NRXN3: variants seen among roughly 807,000 people sequenced by gnomAD.
The protein encoded by NRXN3 is neurexin III.
NRXN3 carries 32 observed loss-of-function variants against 137.6 expected under a neutral mutation model. The ratio of observed to expected loss-of-function variants is 0.23; its 90% confidence interval spans 0.18 to 0.31. NRXN3 has a LOEUF of 0.31. Ranked by LOEUF, NRXN3 falls within the 10% of genes least tolerant of loss-of-function variation. The probability of loss-of-function intolerance (pLI) is 1.00; values close to 1 mark genes in which losing one functional copy is unlikely to be tolerated. For missense variants in NRXN3, 1,574 were observed against 2,062.5 expected, an observed-to-expected ratio of 0.76 and a Z score of 4.59; for synonymous variants, 798 against 784.5, an observed-to-expected ratio of 1.02 and a Z score of -0.29.
chr14:78,179,849 T>TG (rs1566912865), intron 1 of NRXN3, among the ~76,000 whole-genome samples: 2 of 149,798 alleles, frequency 1.3e-5, no homozygotes, highest in Non-Finnish European at 3.0e-5. Context: ...TTTGTTTTTT[T>TG]TTTTTTCTTG....
intron 16 of NRXN3, among the ~76,000 whole-genome samples, chr14:79,593,844 T>G (rs1375633269): frequency 2.0e-5 from 3 of 152,238 alleles, no homozygotes; most frequent in Non-Finnish European, 4.4e-5. Context: ...ATAATATGAC[T>G]ACCTCAGTCA....
intron 15 of NRXN3, among the ~76,000 whole-genome samples, chr14:79,094,971 A>AGTGTGTGTGTGT (rs1178553706): frequency 1.0e-5 from 1 of 100,284 alleles, no homozygotes; most frequent in African/African-American, 3.6e-5. Context: ...AGAGAGAGAG[A>AGTGTGTGTGTGT]GAGAGAGAGT....
chr14:78,559,876 C>T (rs759039963), intron 4 of NRXN3, among the ~76,000 whole-genome samples: 1 of 152,188 alleles, frequency 6.6e-6, no homozygotes, highest in African/African-American at 2.4e-5. Context: ...TTATGTGTCT[C>T]TTATGACAAC....
intron 3 of NRXN3, 44 bp downstream of exon 3, chr14:78,278,706 T>C (rs771344135): frequency 1.1e-4 from 172 of 1,500,552 alleles, no homozygotes; most frequent in South Asian, 9.6e-5. Context: ...ATTTCCCCTC[T>C]GCTAGATTGT....
chr14:79,473,402 T>G (rs1468931651), intron 16 of NRXN3, among the ~76,000 whole-genome samples: 4 of 152,186 alleles, frequency 2.6e-5, no homozygotes, highest in Non-Finnish European at 5.9e-5. Flanking sequence ...TCCCATCTAT[T>G]GCATTTATAA....
chr14:78,979,112 C>T (rs1039272812), intron 14 of NRXN3, among the ~76,000 whole-genome samples: 3 of 152,102 alleles, frequency 2.0e-5, no homozygotes, highest in Admixed American at 6.6e-5. Flanking sequence ...CCTACTCACA[C>T]TGGGGACCAT....
At chr14:79,151,669 A>G (rs774378326) in intron 15 of NRXN3, among the ~76,000 whole-genome samples, 13 of 152,010 alleles carry the variant, frequency 8.6e-5, no homozygotes, top group Non-Finnish European at 1.6e-4. Context: ...AGCCTCTGAG[A>G]ATCTGAGATT....
intron 4 of NRXN3, among the ~76,000 whole-genome samples, chr14:78,335,894 G>T (rs1048185611): frequency 6.6e-6 from 1 of 152,190 alleles, no homozygotes; most frequent in African/African-American, 2.4e-5. Context: ...AGAGAGCATC[G>T]CTAAGGTAAC....
At chr14:78,987,134 T>TAAAA (rs1190607331) in intron 14 of NRXN3, among the ~76,000 whole-genome samples, 1 of 152,046 alleles carries the variant, frequency 6.6e-6, no homozygotes, top group East Asian at 1.9e-4. Context: ...TGGAAGCTTG[T>TAAAA]AAAAACAGAT....
chr14:79,317,773 A>G (rs1195622396), intron 15 of NRXN3, among the ~76,000 whole-genome samples: 1 of 152,182 alleles, frequency 6.6e-6, no homozygotes, highest in Non-Finnish European at 1.5e-5. Flanking sequence ...TTTTAATCGT[A>G]TTCCTTTATA....
At chr14:78,938,698 C>G (rs1241192828) in intron 10 of NRXN3, among the ~76,000 whole-genome samples, 1 of 151,990 alleles carries the variant, frequency 6.6e-6, no homozygotes, top group Non-Finnish European at 1.5e-5. Context: ...TTTAGTGTGC[C>G]TGGAGCTTCT....
chr14:79,524,406 A>G (rs1331539951), intron 16 of NRXN3, among the ~76,000 whole-genome samples: 1 of 152,210 alleles, frequency 6.6e-6, no homozygotes, highest in South Asian at 2.1e-4. Flanking sequence ...AAGTAAAAAA[A>G]CAAATCCCCT....
At chr14:78,561,019 AT>A (rs2096781501) in intron 4 of NRXN3, among the ~76,000 whole-genome samples, 1 of 152,196 alleles carries the variant, frequency 6.6e-6, no homozygotes, top group Non-Finnish European at 1.5e-5. Flanking sequence ...TACTTCCCAA[AT>A]TTTAGTGACT....
intron 4 of NRXN3, among the ~76,000 whole-genome samples, chr14:78,605,610 G>A (rs745873379): frequency 8.6e-5 from 13 of 152,046 alleles, no homozygotes; most frequent in South Asian, 4.2e-4. Context: ...TATGGGAGGC[G>A]CCATCTCTGG....
At chr14:78,331,925 C>T (rs1413925712) in intron 4 of NRXN3, among the ~76,000 whole-genome samples, 1 of 152,184 alleles carries the variant, frequency 6.6e-6, no homozygotes, top group East Asian at 1.9e-4. Context: ...TATGGCCAGC[C>T]AGGCCAATTA....
chr14:78,509,724 A>G (rs2096066639), intron 4 of NRXN3, among the ~76,000 whole-genome samples: 2 of 152,068 alleles, frequency 1.3e-5, no homozygotes, highest in South Asian at 2.1e-4. Context: ...ATGGGTCTCT[A>G]TTAGTCACAG....
At chr14:78,317,483 G>A (rs1487098966) in intron 4 of NRXN3, among the ~76,000 whole-genome samples, 1 of 152,156 alleles carries the variant, frequency 6.6e-6, no homozygotes, top group Non-Finnish European at 1.5e-5. Context: ...GATGATCTGA[G>A]GTGGAACAGT....
intron 8 of NRXN3, among the ~76,000 whole-genome samples, chr14:78,786,761 G>A (rs2098790429): frequency 6.6e-6 from 1 of 152,136 alleles, no homozygotes. Context: ...GTACACATAT[G>A]TATTTAATCA....
At chr14:79,351,584 G>A (rs979363819) in intron 15 of NRXN3, among the ~76,000 whole-genome samples, 5 of 152,122 alleles carry the variant, frequency 3.3e-5, no homozygotes, top group African/African-American at 1.2e-4. Context: ...TCTACAAAAG[G>A]AGGCTATTAA....
Sources: gnomAD v4.1 joint callset for allele counts (sites outside exome capture counted in the v4.1 genomes callset) on GRCh38, gnomAD v4.1.1 for gene constraint, MANE v1.5 for transcripts, NCBI Gene and HGNC (gene_info 2026-07-23, HGNC 2026-07-21) for gene names.